The following PPFIA2 variants were observed in gnomAD, a reference collection of about 807,000 sequenced individuals.
The protein encoded by PPFIA2 is liprin-alpha-2.
Under a neutral mutation model 175.5 loss-of-function variants are expected in PPFIA2, and 46 were observed. The ratio of observed to expected loss-of-function variants is 0.26; its 90% CI spans 0.21 to 0.34. The LOEUF (loss-of-function observed/expected upper bound fraction) is 0.34. Ranked by LOEUF, PPFIA2 falls within the 10% of genes least tolerant of loss-of-function variation. The pLI is 1.00. For missense variants in PPFIA2, 1,179 were observed against 1,506.1 expected (o/e 0.78, Z 3.60); for synonymous variants, 568 against 511.4 (o/e 1.11, Z -1.49).
chr12:81,721,475 A>T (rs958490848), intron 3 of PPFIA2, among the ~76,000 whole-genome samples: 1 of 151,204 alleles, frequency 6.6e-6, no homozygotes, highest in East Asian at 1.9e-4. Flanking sequence ...ACACACAAAC[A>T]TACACACACA....
chr12:81,274,973 C>G (rs188720047), intron 28 of PPFIA2, among the ~76,000 whole-genome samples: 53 of 152,264 alleles, frequency 3.5e-4, no homozygotes, highest in Non-Finnish European at 2.9e-4. Context: ...GGTAATTCCT[C>G]TCCTTTAGAT....
chr12:81,559,310 A>T (rs947676329), intron 4 of PPFIA2, among the ~76,000 whole-genome samples: 1 of 152,226 alleles, frequency 6.6e-6, no homozygotes, highest in Non-Finnish European at 1.5e-5. Context: ...ATGCATGTGC[A>T]TGCACGTGCA....
At chr12:81,597,998 G>T in intron 4 of PPFIA2, 1 of 1,535,182 alleles carries the variant, frequency 6.5e-7, no homozygotes, top group East Asian at 2.4e-5. Context: ...CACTTTAGGG[G>T]AGCCAGAAAC....
rs114679951 is a variant in PPFIA2 at position 81,589,298 on chromosome 12, G to T, written c.303+87493C>A. Among the ~76,000 whole-genome samples the T allele has an allele frequency of 6.1e-3, 921 of 152,002 alleles. 11 individuals carry two copies. Among genetic ancestry groups the T allele is most frequent in the African/African-American group, 0.021 (873 of 41,460 alleles). On this transcript the variant is annotated intron_variant, in intron 4 of 32. Coordinates refer to ENST00000549396, the MANE Select transcript of PPFIA2 (RefSeq NM_003625.5). ...CCAAAGGCTACTCATTGATTTCTATGGTTGCTATCACTGATATACAGAACA... is the reference window on the plus strand; with the variant it reads ...CCAAAGGCTACTCATTGATTTCTATTGTTGCTATCACTGATATACAGAACA...
intron 4 of PPFIA2, among the ~76,000 whole-genome samples, chr12:81,512,784 A>C (rs994593595): frequency 4.6e-5 from 7 of 152,108 alleles, no homozygotes; most frequent in African/African-American, 1.7e-4. Context: ...AAATGAGAAC[A>C]AAATATTGTA....
intron 3 of PPFIA2, among the ~76,000 whole-genome samples, chr12:81,704,271 T>C (rs1410353128): frequency 6.6e-6 from 1 of 152,270 alleles, no homozygotes; most frequent in Non-Finnish European, 1.5e-5. Context: ...TAAACATAAT[T>C]GTCATCCAAA....
intron 4 of PPFIA2, among the ~76,000 whole-genome samples, chr12:81,665,026 G>A (rs986662888): frequency 3.3e-5 from 5 of 151,804 alleles, no homozygotes; most frequent in African/African-American, 7.3e-5. Flanking sequence ...ATCACACACC[G>A]GGGCCTGTTG....
chr12:81,517,521 A>G (rs1594352774), intron 4 of PPFIA2, among the ~76,000 whole-genome samples: 1 of 152,100 alleles, frequency 6.6e-6, no homozygotes, highest in Non-Finnish European at 1.5e-5. Flanking sequence ...AACACTCCAC[A>G]TGCCTTTGAC....
chr12:81,404,345 AT>A (rs1443819868), intron 8 of PPFIA2, among the ~76,000 whole-genome samples: 1 of 152,172 alleles, frequency 6.6e-6, no homozygotes, highest in Non-Finnish European at 1.5e-5. Flanking sequence ...CATAAAATCC[AT>A]TTTTTATAAC....
chr12:81,381,972 C>T (rs767232940), intron 9 of PPFIA2, among the ~76,000 whole-genome samples: 20 of 151,696 alleles, frequency 1.3e-4, no homozygotes, highest in Non-Finnish European at 2.1e-4. Flanking sequence ...GTGAACAAAA[C>T]AAGAAAAAAA....
chr12:81,685,745 A>G (rs2074345216), intron 3 of PPFIA2, among the ~76,000 whole-genome samples: 1 of 152,118 alleles, frequency 6.6e-6, no homozygotes, highest in Non-Finnish European at 1.5e-5. Context: ...GTTAAATTTT[A>G]TAGTGTGACA....
intron 4 of PPFIA2, among the ~76,000 whole-genome samples, chr12:81,641,278 C>G (rs1042579422): frequency 1.3e-5 from 2 of 152,130 alleles, no homozygotes; most frequent in Admixed American, 1.3e-4. Flanking sequence ...CTAGGCTTTT[C>G]TCCCTTTGTC....
intron 3 of PPFIA2, among the ~76,000 whole-genome samples, chr12:81,724,465 C>T (rs903311250): frequency 6.6e-6 from 1 of 150,786 alleles, no homozygotes; most frequent in Non-Finnish European, 1.5e-5. Context: ...CTTTTCATCC[C>T]TCAACCCCCT....
chr12:81,514,477 T>C (rs1437212678), intron 4 of PPFIA2, among the ~76,000 whole-genome samples: 1 of 151,970 alleles, frequency 6.6e-6, no homozygotes, highest in Non-Finnish European at 1.5e-5. Context: ...GTTAAGTTAC[T>C]TTATTTTGAC....
intron 3 of PPFIA2, among the ~76,000 whole-genome samples, chr12:81,708,628 G>A (rs992417869): frequency 2.0e-5 from 3 of 152,056 alleles, no homozygotes; most frequent in African/African-American, 7.2e-5. Flanking sequence ...CTTTGTTTAG[G>A]GAATCTCTGT....
chr12:81,311,749 A>AAAG lies in PPFIA2; in HGVS notation c.2643-12368_2643-12367insCTT, dbSNP rs1555249971. Among the ~76,000 whole-genome samples, 259 of 143,044 alleles carry AAAG rather than the reference A, an allele frequency of 1.8e-3. 1 individual carries two copies. The highest frequency in any genetic ancestry group is 6.5e-3 in the African/African-American group (246 of 37,664). The allele number at this position is 143,044 out of a possible 152,430, so 93.8% of individuals were successfully genotyped here. On this transcript the variant is annotated intron_variant, in intron 22 of 32. Transcript: ENST00000549396. ...CTCTGTCTCAAAAAAAAAAAAAAAA[A>AAAG]AAAGAAAGAAAGAAAGAAAGAAAGG...
At chr12:81,755,881 C>G (rs2084571332) in intron 2 of PPFIA2, among the ~76,000 whole-genome samples, 1 of 152,146 alleles carries the variant, frequency 6.6e-6, no homozygotes, top group African/African-American at 2.4e-5. Flanking sequence ...GATACCCACA[C>G]TTGATACTAC....
intron 22 of PPFIA2, among the ~76,000 whole-genome samples, chr12:81,300,302 G>A (rs58724586): frequency 0.016 from 2,377 of 152,154 alleles, 67 homozygotes; most frequent in African/African-American, 0.055. Flanking sequence ...CTTACACATA[G>A]ATGATAAAAA....
intron 22 of PPFIA2, among the ~76,000 whole-genome samples, chr12:81,311,616 C>T (rs893269904): frequency 6.6e-6 from 1 of 151,542 alleles, no homozygotes; most frequent in Admixed American, 6.6e-5. Flanking sequence ...GCCTGTAGTC[C>T]CAGCTACTCG....
Sources: allele counts gnomAD v4.1 joint callset (sites outside exome capture counted in the v4.1 genomes callset), GRCh38; gene constraint gnomAD v4.1.1; transcripts MANE v1.5; gene names NCBI Gene and HGNC (gene_info 2026-07-23, HGNC 2026-07-21).